NEGR1: variants seen among roughly 807,000 people sequenced by gnomAD.
NEGR1 encodes neuronal growth regulator 1.
A neutral mutation model predicts 40.9 loss-of-function variants in NEGR1; 10 were observed. The ratio of observed to expected loss-of-function variants is 0.24; its 90% CI spans 0.15 to 0.42. The LOEUF is 0.42. Among genes scored for constraint, NEGR1 ranks in the 10% least tolerant of loss-of-function variants. The pLI is 1.00. For missense variants in NEGR1, 352 were observed against 438.9 expected (o/e 0.80, Z 1.77); for synonymous variants, 185 against 166.8 (o/e 1.11, Z -0.84).
intron 1 of NEGR1, among the ~76,000 whole-genome samples, chr1:72,139,075 C>A (rs1650574770): frequency 1.4e-5 from 2 of 144,258 alleles, no homozygotes; most frequent in Non-Finnish European, 1.5e-5. Flanking sequence ...ATATTGGAAA[C>A]ACATATCTAA....
chr1:71,878,874 C>A (rs1268817589), intron 2 of NEGR1, among the ~76,000 whole-genome samples: 1 of 152,096 alleles, frequency 6.6e-6, no homozygotes, highest in Non-Finnish European at 1.5e-5. Flanking sequence ...AATAACTGTT[C>A]CCAGATTGCA....
At chr1:72,093,872 T>C (rs1648594437) in intron 1 of NEGR1, among the ~76,000 whole-genome samples, 1 of 152,182 alleles carries the variant, frequency 6.6e-6, no homozygotes, top group South Asian at 2.1e-4. Flanking sequence ...TTAGCACTTC[T>C]GGGAAGATGA....
intron 5 of NEGR1, among the ~76,000 whole-genome samples, chr1:71,597,472 C>CTCTCTCTGTGTGTGTGTGTGTGTGTG (rs756076229): frequency 1.1e-3 from 34 of 31,316 alleles, no homozygotes; most frequent in African/African-American, 3.3e-3. Flanking sequence ...CTCTCTCTCT[C>CTCTCTCTGTGTGTGTGTGTGTGTGTG]TGTGTGTGTG....
chr1:71,633,854 A>C (rs1651055285), intron 4 of NEGR1, among the ~76,000 whole-genome samples: 1 of 152,052 alleles, frequency 6.6e-6, no homozygotes, highest in African/African-American at 2.4e-5. Flanking sequence ...TGGAGTTATT[A>C]TCTTTTTTAG....
chr1:72,140,574 A>T (rs899875266), intron 1 of NEGR1, among the ~76,000 whole-genome samples: 1 of 152,124 alleles, frequency 6.6e-6, no homozygotes, highest in Non-Finnish European at 1.5e-5. Context: ...ACGCTGTCAC[A>T]GTGACAAATA....
At chr1:71,564,602 A>C (rs1280530070) in intron 6 of NEGR1, among the ~76,000 whole-genome samples, 3 of 152,148 alleles carry the variant, frequency 2.0e-5, no homozygotes, top group Non-Finnish European at 4.4e-5. Context: ...TGCTCTATAC[A>C]GTAAGAAAAC....
rs75488521 is a variant in NEGR1, at chr1:71,819,924, C to T, written c.410-43627G>A. ...TTATGTATGTGCTAAAACAATGACA[C>T]GGCATCAGTAAAAATTCCCTGATAG... On this transcript the variant is annotated intron_variant, in intron 2 of 6. Coordinates refer to ENST00000357731, the MANE Select transcript of NEGR1 (RefSeq NM_173808.3). Among the ~76,000 whole-genome samples the T allele has an allele frequency of 9.2e-3, 1,396 of 152,036 alleles. 24 individuals are homozygous for T. Among genetic ancestry groups the T allele is most frequent in the African/African-American group, 0.032 (1,322 of 41,532 alleles).
intron 6 of NEGR1, among the ~76,000 whole-genome samples, chr1:71,500,139 A>T (rs1477394252): frequency 6.6e-6 from 1 of 152,084 alleles, no homozygotes; most frequent in African/African-American, 2.4e-5. Context: ...CAAGAAAATT[A>T]TCTATAGTTA....
chr1:71,824,838 T>C (rs1241326984), intron 2 of NEGR1, among the ~76,000 whole-genome samples: 3 of 152,016 alleles, frequency 2.0e-5, no homozygotes, highest in African/African-American at 7.2e-5. Context: ...GATTTATTCT[T>C]AGTTATTACT....
At chr1:72,239,453 T>G (rs1654664932) in intron 1 of NEGR1, among the ~76,000 whole-genome samples, 1 of 151,844 alleles carries the variant, frequency 6.6e-6, no homozygotes, top group Non-Finnish European at 1.5e-5. Flanking sequence ...AAACAGTGTT[T>G]TAAGTATTTC....
At chr1:72,011,323 G>T (rs996046943) in intron 1 of NEGR1, among the ~76,000 whole-genome samples, 3 of 152,100 alleles carry the variant, frequency 2.0e-5, no homozygotes, top group African/African-American at 7.2e-5. Context: ...CAGAAAATCA[G>T]TGGGTGAGCT....
At chr1:71,924,085 C>T (rs1645748531) in intron 2 of NEGR1, among the ~76,000 whole-genome samples, 1 of 151,980 alleles carries the variant, frequency 6.6e-6, no homozygotes, top group South Asian at 2.1e-4. Context: ...GAAATAGGGT[C>T]TCCCCGTGTT....
At chr1:71,761,186 A>C (rs534128243) in intron 3 of NEGR1, among the ~76,000 whole-genome samples, 1 of 152,280 alleles carries the variant, frequency 6.6e-6, no homozygotes, top group South Asian at 2.1e-4. Context: ...GAGTCAGCAA[A>C]CATTTTTTAA....
intron 1 of NEGR1, among the ~76,000 whole-genome samples, chr1:72,061,450 A>T (rs1429192043): frequency 6.6e-6 from 1 of 151,808 alleles, no homozygotes; most frequent in African/African-American, 2.4e-5. Flanking sequence ...CAGAATCATT[A>T]CATTTTCTGA....
At chr1:71,735,262 T>C (rs748079779) in intron 3 of NEGR1, among the ~76,000 whole-genome samples, 1 of 152,164 alleles carries the variant, frequency 6.6e-6, no homozygotes, top group South Asian at 2.1e-4. Context: ...CCCTAAGAGC[T>C]CCAAGATAAA....
Position 71,787,257 on chromosome 1 carries a change from T to C in NEGR1, c.410-10960A>G, listed in dbSNP as rs1485976379. On this transcript the variant is annotated intron_variant, in intron 2 of 6. Transcript: ENST00000357731. The stretch of plus-strand genomic sequence containing the variant: ...ACTTCACAACTTACCATAAAGCTAC[T>C]ACAAAGCCAGTGTGGTGTTGGTATC... Among the ~76,000 whole-genome samples, 3 of 152,204 alleles carry C rather than the reference T, an allele frequency of 2.0e-5. No individual in the cohort carries two copies. The East Asian group carries it at 5.8e-4, about 29-fold the overall frequency.
At chr1:72,039,736 G>T (rs1169156523) in intron 1 of NEGR1, among the ~76,000 whole-genome samples, 3 of 151,970 alleles carry the variant, frequency 2.0e-5, no homozygotes, top group Admixed American at 6.6e-5. Context: ...TCAAGGACTA[G>T]TTTCTTGTAT....
At chr1:72,035,399 A>G (rs555707408) in intron 1 of NEGR1, among the ~76,000 whole-genome samples, 1 of 152,308 alleles carries the variant, frequency 6.6e-6, no homozygotes, top group African/African-American at 2.4e-5. Context: ...TTGGGATTAC[A>G]TCCTCCATTA....
chr1:71,906,835 G>C (rs765013237), intron 2 of NEGR1, among the ~76,000 whole-genome samples: 1 of 152,144 alleles, frequency 6.6e-6, no homozygotes, highest in Non-Finnish European at 1.5e-5. Context: ...GCTAAAACTA[G>C]CTGCTGGCTC....
Sources: allele counts gnomAD v4.1 joint callset (sites outside exome capture counted in the v4.1 genomes callset), GRCh38; gene constraint gnomAD v4.1.1; transcripts MANE v1.5; gene names NCBI Gene and HGNC (gene_info 2026-07-23, HGNC 2026-07-21).